COL12A1: variants seen among roughly 807,000 people sequenced by gnomAD.
COL12A1 encodes the protein collagen alpha-1(XII) chain.
COL12A1 carries 114 observed loss-of-function variants against 349.7 expected under a neutral mutation model. That is an observed-to-expected ratio of 0.33 (90% CI 0.28 to 0.38). The LOEUF is 0.38. COL12A1 is among the 10% of genes least tolerant of loss of function. COL12A1 has a pLI of 1.00. For missense variants in COL12A1, 3,284 were observed against 3,756.9 expected, an observed-to-expected ratio of 0.87 and a Z score of 3.29; for synonymous variants, 1,369 against 1,329.0, an observed-to-expected ratio of 1.03 and a Z score of -0.66.
intron 12 of COL12A1, 120 bp from the exon 13 acceptor site, chr6:75,175,430 T>G (rs1768887135): frequency 3.3e-6 from 4 of 1,203,698 alleles, no homozygotes; most frequent in Non-Finnish European, 4.5e-6. Context: ...GGTGAGACTA[T>G]GACAATTTTA....
In COL12A1 at chr6:75,151,288, C is replaced by T. The variant is rs759649526; in HGVS notation, c.4001-1G>A. ...TCGACTTCATCAGCATTTTTAATAC[C>T]TTCAAAAACGGATATATACAAATTA... On this transcript the variant is annotated splice_acceptor_variant, in intron 20 of 65. Transcript: ENST00000322507. LOFTEE classifies it high-confidence loss of function. 6.2e-7 allele frequency: 1 copy of T among 1,611,540 alleles called. No homozygotes were observed. Among genetic ancestry groups the T allele is most frequent in the Non-Finnish European group, 8.5e-7 (1 of 1,178,642 alleles).
chr6:75,146,351 G>A, intron 23 of COL12A1, 107 bp from the exon 24 acceptor site: 7 of 1,176,960 alleles, frequency 5.9e-6, no homozygotes, highest in Non-Finnish European at 7.7e-6. Context: ...TAGACAGTGG[G>A]TTACTGTGAG....
chr6:75,125,087 TAC>T (rs1765947673), intron 40 of COL12A1, 38 bp downstream of exon 40: 2 of 1,546,740 alleles, frequency 1.3e-6, no homozygotes, highest in Admixed American at 1.9e-5. Flanking sequence ...TAATTTCTAC[TAC>T]AGTTTTTCTC....
At chr6:75,203,705 G>A (rs2149493539) in intron 1 of COL12A1, among the ~76,000 whole-genome samples, 1 of 152,224 alleles carries the variant, frequency 6.6e-6, no homozygotes, top group East Asian at 1.9e-4. Flanking sequence ...TGGTTTCCCA[G>A]CACACAGTAG....
intron 3 of COL12A1, 130 bp from the exon 4 acceptor site, chr6:75,192,485 C>T (rs1582214816): frequency 1.3e-6 from 1 of 781,254 alleles, no homozygotes; most frequent in East Asian, 2.9e-5. Flanking sequence ...GACACTCAAA[C>T]ATTATTTTTT....
chr6:75,167,776 C>T (rs1367032248), intron 13 of COL12A1, among the ~76,000 whole-genome samples: 3 of 152,128 alleles, frequency 2.0e-5, no homozygotes, highest in Non-Finnish European at 2.9e-5. Context: ...GGATTTTAAT[C>T]AACTATTTTA....
intron 27 of COL12A1, among the ~76,000 whole-genome samples, chr6:75,141,320 A>T (rs1766879783): frequency 6.6e-6 from 1 of 152,204 alleles, no homozygotes. Context: ...GGAGAGAGCA[A>T]GGGGGAAGTA....
At position 75,087,469 on chromosome 6, in the gene COL12A1, A is replaced by G. The variant is rs1767556560; in HGVS notation, c.9181+108T>C. ...TATAATCAGAACTGAAAGAGTTGTTATCTTCAAGACATCTTCAAATCAGCC... is the reference window on the plus strand; with the variant it reads ...TATAATCAGAACTGAAAGAGTTGTTGTCTTCAAGACATCTTCAAATCAGCC... On this transcript the variant is annotated intron_variant, in intron 65 of 65. Transcript: ENST00000322507. 6 of 1,054,110 alleles carry G rather than the reference A, an allele frequency of 5.7e-6. No individual in the cohort carries two copies. In the South Asian group the frequency reaches 7.4e-5, roughly 13 times the overall value. 65.3% of individuals were successfully genotyped at this position (1,054,110 alleles called of 1,614,324 possible). A position where few individuals can be genotyped will look rare whatever the true frequency, so the allele number is the denominator to read the frequency against.
Position 75,119,384 on chromosome 6 carries a change from C to T in COL12A1, c.7176G>A (p.Gln2392=). 6.2e-7 allele frequency: 1 copy of T among 1,613,868 alleles called. No individual in the cohort carries two copies. The highest frequency in any genetic ancestry group is 2.2e-5 in the East Asian group (1 of 44,880). ...TGTTTCCTCCTCTGTACCTAATATT[C>T]TGGAGGGCCCCAAGGGCTAGGGCCT... The part of the protein sequence containing the change: ...NDKALALGAL[Q]NIRYRGGNTR... The change falls in exon 45 of 66, where the codon CAG becomes CAA. Residue 2392 remains glutamine, a synonymous_variant. Coordinates refer to ENST00000322507, the MANE Select transcript of COL12A1 (RefSeq NM_004370.6).
Position 75,189,781 on chromosome 6 carries a change from G to A in COL12A1, c.429C>T (p.Phe143=). Reference sequence around the variant, plus strand: ...CCACACTCCAAGAGCCATCCACGAGGAAAACCAAATCAGTCCAGGCACTGA... The same window carrying A: ...CCACACTCCAAGAGCCATCCACGAGAAAAACCAAATCAGTCCAGGCACTGA... ...CSVSAWTDLV[F]LVDGSWSVGR... The change falls in exon 6 of 66, where the codon TTC becomes TTT. Residue 143 remains phenylalanine (F), a synonymous_variant. Transcript: ENST00000322507. 1 of 1,613,064 alleles carries A rather than the reference G, an allele frequency of 6.2e-7. No homozygotes were observed. Among genetic ancestry groups the A allele is most frequent in the Non-Finnish European group, 8.5e-7 (1 of 1,179,272 alleles).
At chr6:75,192,632 G>A (rs796251810) in intron 3 of COL12A1, among the ~76,000 whole-genome samples, 7 of 152,072 alleles carry the variant, frequency 4.6e-5, no homozygotes, top group African/African-American at 1.7e-4. Flanking sequence ...CCAGAATATC[G>A]AACTAAAAAT....
At chr6:75,190,504 G>A (rs1015876060) in intron 5 of COL12A1, among the ~76,000 whole-genome samples, 1 of 151,872 alleles carries the variant, frequency 6.6e-6, no homozygotes, top group African/African-American at 2.4e-5. Context: ...AACAAAGAGG[G>A]TAAACAATTA....
At chr6:75,141,917 C>T (rs1766909808) in intron 27 of COL12A1, 115 bp downstream of exon 27, 2 of 1,265,072 alleles carry the variant, frequency 1.6e-6, no homozygotes, top group African/African-American at 1.5e-5. Flanking sequence ...TGAATCCAAG[C>T]ATTATTAAAC....
intron 31 of COL12A1, among the ~76,000 whole-genome samples, chr6:75,136,621 C>T (rs912776580): frequency 2.0e-5 from 3 of 152,146 alleles, no homozygotes; most frequent in African/African-American, 7.2e-5. Flanking sequence ...AGAAAATATT[C>T]TAGCCAAAAA....
At position 75,205,808 on chromosome 6, in the gene COL12A1, CG is replaced by C. The variant is rs1192971970; in HGVS notation, c.-68del. The C allele has an allele frequency of 6.4e-6, 1 of 156,878 alleles. No homozygotes were observed. Among genetic ancestry groups the C allele is most frequent in the Admixed American group, 6.5e-5 (1 of 15,356 alleles). The allele number at this position is 156,878 out of a possible 1,614,324, so 9.7% of individuals were successfully genotyped here. A position where few individuals can be genotyped will look rare whatever the true frequency, so the allele number is the denominator to read the frequency against. On this transcript the variant is annotated 5_prime_UTR_variant, in exon 1 of 66. Transcript: ENST00000322507. ...CGGCGGCAACAGGGAGAGGTAGCGG[CG>C]GCGACAGCGGCTTCCCGGCGTCGGA...
At position 75,183,050 on chromosome 6, in the gene COL12A1, C is replaced by G; in HGVS notation, c.1891G>C (p.Ala631Pro). ...EQELAAIKKK[A>P]YVPPKDLSFS... ...ACTTTTACTCTCAAAGTCTACTAAC[C>G]TTTCTTCTTTATAGCTGCCAATTCT... Residue 631 changes from alanine (A) to proline (P), a missense_variant and splice_region_variant, in exon 10 of 66, where the codon GCT (alanine) becomes CCT (proline). Coordinates refer to ENST00000322507, the MANE Select transcript of COL12A1 (RefSeq NM_004370.6). 8 of 1,594,838 alleles carry G rather than the reference C, an allele frequency of 5.0e-6. No homozygotes were observed. The highest frequency in any genetic ancestry group is 6.8e-6 in the Non-Finnish European group (8 of 1,172,742).
chr6:75,145,400 G>T lies in COL12A1; in HGVS notation c.4616C>A (p.Thr1539Lys), dbSNP rs373216375. 1.9e-6 allele frequency: 3 copies of T among 1,613,850 alleles called. No homozygotes were observed. In the African/African-American group the frequency reaches 4.0e-5, roughly 22 times the overall value. Residue 1539 changes from threonine to lysine, a missense_variant, in exon 25 of 66, where the codon ACG (threonine) becomes AAG (lysine). Coordinates refer to ENST00000322507, the MANE Select transcript of COL12A1 (RefSeq NM_004370.6). The part of the protein sequence containing the change: ...DMQLTDLVPN[T>K]EYAVTVQAVL... Reference sequence around the variant, plus strand: ...AGCCTGGACTGTGACTGCATACTCCGTGTTGGGAACAAGGTCAGTCAGCTG... The same window carrying T: ...AGCCTGGACTGTGACTGCATACTCCTTGTTGGGAACAAGGTCAGTCAGCTG...
In COL12A1 at chr6:75,148,559, A is replaced by G. The variant is rs528343534; in HGVS notation, c.4148-62T>C. The G allele has an allele frequency of 2.1e-6, 3 of 1,425,754 alleles. No homozygotes were observed. The South Asian group carries it at 3.7e-5, about 18-fold the overall frequency. The allele number at this position is 1,425,754 out of a possible 1,614,324, so 88.3% of individuals were successfully genotyped here. On this transcript the variant is annotated intron_variant, in intron 21 of 65. Transcript: ENST00000322507. The stretch of plus-strand genomic sequence containing the variant: ...TATTGTAGAAAGGTGACAATATTTG[A>G]AATGACATTGAAACAATATTATGCT...
intron 31 of COL12A1, 133 bp downstream of exon 31, chr6:75,137,304 T>C (rs1766664433): frequency 1.2e-6 from 1 of 809,222 alleles, no homozygotes; most frequent in African/African-American, 1.8e-5. Flanking sequence ...AAGAGTCAGA[T>C]TATTCCATCC....
Sources: allele counts gnomAD v4.1 joint callset (sites outside exome capture counted in the v4.1 genomes callset), GRCh38; gene constraint gnomAD v4.1.1; transcripts MANE v1.5; gene names NCBI Gene and HGNC (gene_info 2026-07-23, HGNC 2026-07-21).